Variants in MACC1 observed in about 807,000 individuals in gnomAD.
MACC1 encodes the protein metastasis-associated in colon cancer protein 1.
MACC1 carries 79 observed loss-of-function variants against 70.7 expected under a neutral mutation model. The observed-to-expected ratio is 1.12, with a 90% CI of 0.93 to 1.35. The LOEUF (loss-of-function observed/expected upper bound fraction) is 1.35. Ranked by LOEUF, MACC1 falls within the 40% of genes most tolerant of loss-of-function variation. The probability of loss-of-function intolerance (pLI) is 0.00; values close to 1 mark genes in which losing one functional copy is unlikely to be tolerated. For synonymous variants in MACC1, 361 were observed against 347.2 expected, an observed-to-expected ratio of 1.04 and a Z score of -0.44; for missense variants, 1,106 against 978.1, an observed-to-expected ratio of 1.13 and a Z score of -1.74.
At chr7:20,169,190 C>A (rs1047414642) in intron 2 of MACC1, among the ~76,000 whole-genome samples, 1 of 152,178 alleles carries the variant, frequency 6.6e-6, no homozygotes, top group Non-Finnish European at 1.5e-5. Flanking sequence ...ATAAAATATT[C>A]CCAGTGATAT....
intron 4 of MACC1, among the ~76,000 whole-genome samples, chr7:20,160,469 A>G (rs1389722234): frequency 6.6e-6 from 1 of 152,210 alleles, no homozygotes; most frequent in African/African-American, 2.4e-5. Context: ...GAACATATGT[A>G]ATGTTATTTT....
chr7:20,180,235 G>C (rs555421711), intron 1 of MACC1, among the ~76,000 whole-genome samples: 4 of 150,812 alleles, frequency 2.7e-5, no homozygotes, highest in African/African-American at 9.7e-5. Flanking sequence ...AAGAGGTCAA[G>C]AGATTGAGAC....
At position 20,140,287 on chromosome 7, in the gene MACC1, AG is replaced by A. The variant is rs1362421739; in HGVS notation, c.*658del. 3 of 152,232 alleles carry A rather than the reference AG, an allele frequency of 2.0e-5. No homozygotes were observed. Among genetic ancestry groups the A allele is most frequent in the African/African-American group, 7.2e-5 (3 of 41,456 alleles). The allele number at this position is 152,232 out of a possible 1,614,324, so 9.4% of individuals were successfully genotyped here. On this transcript the variant is annotated 3_prime_UTR_variant, in exon 7 of 7. Coordinates refer to ENST00000400331, the MANE Select transcript of MACC1 (RefSeq NM_182762.4). The stretch of plus-strand genomic sequence containing the variant: ...GCAGTATGATTTTTTAAAAAGAAAT[AG>A]AAACAGGTTTTTCAAGCAGAAAACC...
chr7:20,202,085 G>A (rs1044936657), intron 1 of MACC1, among the ~76,000 whole-genome samples: 3 of 152,214 alleles, frequency 2.0e-5, no homozygotes, highest in African/African-American at 7.2e-5. Context: ...TCAAATGCCA[G>A]CAGAAAATGA....
In MACC1 at chr7:20,159,791, G is replaced by A; in HGVS notation, c.570C>T (p.Arg190=). The change falls in exon 5 of 7, where the codon CGC becomes CGT. Residue 190 remains arginine, a synonymous_variant. Coordinates refer to ENST00000400331, the MANE Select transcript of MACC1 (RefSeq NM_182762.4). ...MAWLSQRQLA[R]SCLDLNTISQ... Reference sequence around the variant, plus strand: ...TAATTGTATTCAAATCAAGGCAGGAGCGGGCCAGCTGGCGTTGACTTAACC... The same window carrying A: ...TAATTGTATTCAAATCAAGGCAGGAACGGGCCAGCTGGCGTTGACTTAACC... 6.2e-7 allele frequency: 1 copy of A among 1,614,100 alleles called. No homozygotes were observed. Among genetic ancestry groups the A allele is most frequent in the Non-Finnish European group, 8.5e-7 (1 of 1,180,036 alleles).
chr7:20,153,125 T>C (rs918084894), intron 6 of MACC1: 1 of 152,192 alleles, frequency 6.6e-6, no homozygotes, highest in Non-Finnish European at 1.5e-5. Flanking sequence ...CCCTGGTTGC[T>C]CCTGGCTAAA....
chr7:20,146,864 G>A (rs1281921232), intron 6 of MACC1, among the ~76,000 whole-genome samples: 1 of 152,116 alleles, frequency 6.6e-6, no homozygotes, highest in African/African-American at 2.4e-5. Flanking sequence ...GCATTCTTAT[G>A]CCTCTATTCT....
intron 4 of MACC1, 74 bp downstream of exon 4, chr7:20,161,674 G>T: frequency 1.2e-6 from 1 of 832,382 alleles, no homozygotes; most frequent in South Asian, 1.7e-5. Context: ...TTCAGAGGTA[G>T]ACCTTCAACA....
chr7:20,193,250 G>A (rs1782699259), intron 1 of MACC1, among the ~76,000 whole-genome samples: 1 of 152,222 alleles, frequency 6.6e-6, no homozygotes, highest in East Asian at 1.9e-4. Context: ...GGTAATGGAT[G>A]AATAATTAAA....
chr7:20,216,600 T>C (rs1190859103), intron 1 of MACC1, among the ~76,000 whole-genome samples: 2 of 152,108 alleles, frequency 1.3e-5, no homozygotes, highest in Non-Finnish European at 2.9e-5. Context: ...AATCATCCAG[T>C]ATTTGTCTTT....
At chr7:20,170,300 T>C (rs1276319873) in intron 2 of MACC1, 2 of 152,208 alleles carry the variant, frequency 1.3e-5, no homozygotes, top group African/African-American at 4.8e-5. Context: ...TAAAAAATTG[T>C]TGTAAATATT....
intron 1 of MACC1, among the ~76,000 whole-genome samples, chr7:20,202,866 G>A (rs1044648001): frequency 2.6e-5 from 4 of 152,152 alleles, no homozygotes; most frequent in Non-Finnish European, 5.9e-5. Context: ...GTTATTCCTA[G>A]TCTAAATTCA....
intron 6 of MACC1, among the ~76,000 whole-genome samples, chr7:20,148,885 A>G (rs1242670849): frequency 1.3e-5 from 2 of 152,238 alleles, no homozygotes; most frequent in African/African-American, 2.4e-5. Flanking sequence ...GTGAATTTCC[A>G]TATAATACTT....
At chr7:20,188,659 C>G (rs544358918) in intron 1 of MACC1, among the ~76,000 whole-genome samples, 3 of 152,250 alleles carry the variant, frequency 2.0e-5, no homozygotes, top group East Asian at 1.9e-4. Context: ...CTCTCTCTCT[C>G]TAACACCTTC....
intron 1 of MACC1, among the ~76,000 whole-genome samples, chr7:20,194,514 A>C (rs10272359): frequency 0.072 from 11,005 of 152,256 alleles, 529 homozygotes; most frequent in Non-Finnish European, 0.1. Flanking sequence ...CGCTCCTTTC[A>C]TGGTACCCTT....
intron 6 of MACC1, among the ~76,000 whole-genome samples, chr7:20,145,187 A>C (rs1781871385): frequency 1.3e-5 from 2 of 152,324 alleles, no homozygotes; most frequent in South Asian, 2.1e-4. Context: ...ATGCCAGTGT[A>C]ACACTGAGGA....
chr7:20,179,936 T>C (rs977216907), intron 1 of MACC1, among the ~76,000 whole-genome samples: 1 of 152,226 alleles, frequency 6.6e-6, no homozygotes, highest in South Asian at 2.1e-4. Context: ...CTCTATGAAT[T>C]GTCAACTGTG....
chr7:20,140,832 CACACACAG>C lies in MACC1; in HGVS notation c.*106_*113del, dbSNP rs1464055823. On this transcript the variant is annotated 3_prime_UTR_variant, in exon 7 of 7. Transcript: ENST00000400331. Reference sequence around the variant, plus strand: ...ACACACACACACACACACAGACACACACACACAGACACACACACACAGACACACAGAGA... The same window carrying C: ...ACACACACACACACACACAGACACACACACACACACACAGACACACAGAGA... 2.9e-6 allele frequency: 2 copies of C among 699,246 alleles called. No individual in the cohort carries two copies. Among genetic ancestry groups the C allele is most frequent in the African/African-American group, 3.8e-5 (2 of 52,912 alleles). The allele number at this position is 699,246 out of a possible 1,614,324, so 43.3% of individuals were successfully genotyped here.
At chr7:20,167,890 G>A (rs1562589398) in intron 2 of MACC1, among the ~76,000 whole-genome samples, 1 of 152,098 alleles carries the variant, frequency 6.6e-6, no homozygotes, top group African/African-American at 2.4e-5. Context: ...TTGAACAAGA[G>A]GTCCCATATT....
Sources: gnomAD v4.1 joint callset for allele counts (sites outside exome capture counted in the v4.1 genomes callset) on GRCh38, gnomAD v4.1.1 for gene constraint, MANE v1.5 for transcripts, NCBI Gene and HGNC (gene_info 2026-07-23, HGNC 2026-07-21) for gene names.